Variants in HFM1 observed in about 807,000 individuals in gnomAD.
The protein encoded by HFM1 is helicase for meiosis 1.
A neutral mutation model predicts 192.1 loss-of-function variants in HFM1; 169 were observed. That is an observed-to-expected ratio of 0.88 (90% CI 0.78 to 1.00). The LOEUF is 1.00. Among genes scored for constraint, HFM1 ranks in the 50% least tolerant of loss-of-function variants. HFM1 has a pLI of 0.00. For missense variants in HFM1, 1,661 were observed against 1,668.0 expected, an observed-to-expected ratio of 1.00 and a Z score of 0.07; for synonymous variants, 525 against 537.8, an observed-to-expected ratio of 0.98 and a Z score of 0.33.
At chr1:91,266,586 G>C (rs1483393130) in intron 35 of HFM1, among the ~76,000 whole-genome samples, 2 of 152,152 alleles carry the variant, frequency 1.3e-5, no homozygotes, top group Non-Finnish European at 2.9e-5. Flanking sequence ...TCACATAAAT[G>C]ATCAAGTTGA....
At chr1:91,335,971 T>C (rs904481898) in intron 20 of HFM1, among the ~76,000 whole-genome samples, 9 of 151,472 alleles carry the variant, frequency 5.9e-5, no homozygotes, top group Admixed American at 1.3e-4. Context: ...CCTCCCTCTC[T>C]CCCTCTCTCC....
intron 30 of HFM1, among the ~76,000 whole-genome samples, chr1:91,278,479 C>T (rs571091754): frequency 1.0e-3 from 156 of 152,106 alleles, no homozygotes; most frequent in Non-Finnish European, 1.5e-3. Flanking sequence ...AGCAAATCAC[C>T]GATTGTAAGA....
chr1:91,404,279 AAGG>A (rs1439156787), intron 1 of HFM1, among the ~76,000 whole-genome samples: 2 of 152,210 alleles, frequency 1.3e-5, no homozygotes, highest in Non-Finnish European at 2.9e-5. Context: ...TGGATTTCCT[AAGG>A]AGAATATCCT....
Position 91,315,953 on chromosome 1 carries a change from G to A in HFM1, c.3002C>T (p.Thr1001Met), listed in dbSNP as rs370995086. The change falls in exon 28 of 39, where the codon ACG becomes ATG. Residue 1001 changes from threonine to methionine, a missense_variant. Coordinates refer to ENST00000370425, the MANE Select transcript of HFM1 (RefSeq NM_001017975.6). ...AACAGTCACTAATATTTCTGCCGTCGTATCACTATATCTTGTAATCTTTAA... is the reference window on the plus strand; with the variant it reads ...AACAGTCACTAATATTTCTGCCGTCATATCACTATATCTTGTAATCTTTAA... ...KVEQITRYSD[T>M]TAEILVTVIL... The A allele has an allele frequency of 7.4e-5, 118 of 1,588,658 alleles. No homozygotes were observed. The highest frequency in any genetic ancestry group is 1.3e-4 in the East Asian group (6 of 44,646).
At chr1:91,309,640 T>A (rs1307168931) in intron 30 of HFM1, among the ~76,000 whole-genome samples, 1 of 152,188 alleles carries the variant, frequency 6.6e-6, no homozygotes, top group Non-Finnish European at 1.5e-5. Context: ...TCAGACTGTT[T>A]ATTGTGTGTG....
chr1:91,350,199 C>A (rs1442892226), intron 18 of HFM1, among the ~76,000 whole-genome samples: 1 of 152,024 alleles, frequency 6.6e-6, no homozygotes, highest in Non-Finnish European at 1.5e-5. Context: ...TAGAATGATA[C>A]TTCAACAAGT....
At chr1:91,379,410 A>G (rs1346257266) in intron 8 of HFM1, among the ~76,000 whole-genome samples, 196 bp from the exon 9 acceptor site, 1 of 152,104 alleles carries the variant, frequency 6.6e-6, no homozygotes, top group East Asian at 1.9e-4. Flanking sequence ...CCACACTGGA[A>G]GAAGAACTGT....
At chr1:91,295,739 T>A (rs773784448) in intron 30 of HFM1, among the ~76,000 whole-genome samples, 6 of 152,166 alleles carry the variant, frequency 3.9e-5, no homozygotes, top group Non-Finnish European at 8.8e-5. Context: ...TTTAACATAG[T>A]CAAATTCATT....
intron 23 of HFM1, among the ~76,000 whole-genome samples, chr1:91,320,573 T>C (rs940661792): frequency 4.6e-5 from 7 of 152,208 alleles, no homozygotes; most frequent in Admixed American, 1.3e-4. Context: ...TATTTATTTA[T>C]ATTAAAAAGC....
rs1221627978 is a variant in HFM1, at chr1:91,393,367, C to T, written c.494+726G>A. 1.3e-5 allele frequency among the ~76,000 whole-genome samples: 2 copies of T among 152,138 alleles called. 1 individual carries two copies. Among genetic ancestry groups the T allele is most frequent in the Non-Finnish European group, 2.9e-5 (2 of 68,020 alleles). ...TTCTTCTGAATCTTGAATCCACATACCCAACTGAATATCTGAACTATTTAT... is the reference window on the plus strand; with the variant it reads ...TTCTTCTGAATCTTGAATCCACATATCCAACTGAATATCTGAACTATTTAT... On this transcript the variant is annotated intron_variant, in intron 4 of 38. Transcript: ENST00000370425.
chr1:91,382,633 C>A (rs1479944113), intron 6 of HFM1, among the ~76,000 whole-genome samples: 1 of 152,170 alleles, frequency 6.6e-6, no homozygotes, highest in African/African-American at 2.4e-5. Flanking sequence ...TCTCAATTTT[C>A]CTTCAAAACA....
chr1:91,356,993 C>G, intron 13 of HFM1, among the ~76,000 whole-genome samples: 1 of 152,086 alleles, frequency 6.6e-6, no homozygotes, highest in Non-Finnish European at 1.5e-5. Context: ...AGCCCAGAAC[C>G]AGACAGCATC....
In HFM1 at chr1:91,279,121, GCTGAAATCCTATAATAAGATT is replaced by G. The variant is rs1023002414; in HGVS notation, c.3392-2080_3392-2060del. ...CCTTCCTAAGAGTCACCCAGCACAA[GCTGAAATCCTATAATAAGATT>G]CTGAAATCCTATAATAAGATTCTGA... On this transcript the variant is annotated intron_variant, in intron 30 of 38. Coordinates refer to ENST00000370425, the MANE Select transcript of HFM1 (RefSeq NM_001017975.6). Among the ~76,000 whole-genome samples the G allele has an allele frequency of 4.8e-4, 73 of 152,162 alleles. No homozygotes were observed. In the South Asian group the frequency reaches 8.9e-3, roughly 19 times the overall value.
At chr1:91,307,201 TTC>T (rs1024017421) in intron 30 of HFM1, among the ~76,000 whole-genome samples, 63 of 152,262 alleles carry the variant, frequency 4.1e-4, no homozygotes, top group African/African-American at 1.5e-3. Flanking sequence ...TATCGCTGAT[TTC>T]TGTTTTTCTC....
chr1:91,290,747 C>A (rs1570807058), intron 30 of HFM1, among the ~76,000 whole-genome samples: 1 of 152,128 alleles, frequency 6.6e-6, no homozygotes, highest in South Asian at 2.1e-4. Context: ...ACAGAATATA[C>A]ATTTTTTTCA....
intron 35 of HFM1, among the ~76,000 whole-genome samples, chr1:91,267,531 A>G (rs2100704344): frequency 6.6e-6 from 1 of 152,234 alleles, no homozygotes; most frequent in African/African-American, 2.4e-5. Flanking sequence ...CTACATTATC[A>G]TCATGGAATA....
Position 91,343,471 on chromosome 1 carries a change from T to C in HFM1, c.2294A>G (p.Asp765Gly), listed in dbSNP as rs1655675508. The stretch of plus-strand genomic sequence containing the variant: ...AACACCTTCATCCATCTTTATTAAG[T>C]CCAGGGATGATAAATCATTCAGATT... ...LKNLNDLSSL[D>G]LIKMDEGVNF... is the part of the protein sequence containing the mutation. Residue 765 changes from aspartate (D) to glycine (G), a missense_variant, in exon 20 of 39, where the codon GAC becomes GGC. By Grantham distance (94) the Asp-to-Gly change is moderately conservative. Transcript: ENST00000370425. The C allele has an allele frequency of 1.4e-6, 2 of 1,444,298 alleles. No homozygotes were observed. The highest frequency in any genetic ancestry group is 1.9e-6 in the Non-Finnish European group (2 of 1,052,914). The allele number at this position is 1,444,298 out of a possible 1,614,324, so 89.5% of individuals were successfully genotyped here.
Position 91,360,623 on chromosome 1 carries a change from T to C in HFM1, c.1686-7324A>G, listed in dbSNP as rs1308121309. Among the ~76,000 whole-genome samples, 4 of 152,114 alleles carry C rather than the reference T, an allele frequency of 2.6e-5. No homozygotes were observed. The South Asian group carries it at 6.2e-4, about 24-fold the overall frequency. On this transcript the variant is annotated intron_variant, in intron 13 of 38. Transcript: ENST00000370425. ...AGACTTTAACAACCCATTGACAATA[T>C]TAGACAGATCACTGAGACAGAAAAT...
At chr1:91,397,598 A>G (rs1557534121) in intron 2 of HFM1, among the ~76,000 whole-genome samples, 1 of 152,238 alleles carries the variant, frequency 6.6e-6, no homozygotes, top group Admixed American at 6.5e-5. Flanking sequence ...CAAGTAAAAA[A>G]TCTACAACAC....
Sources: gnomAD v4.1 joint callset for allele counts (sites outside exome capture counted in the v4.1 genomes callset) on GRCh38, gnomAD v4.1.1 for gene constraint, MANE v1.5 for transcripts, NCBI Gene and HGNC (gene_info 2026-07-23, HGNC 2026-07-21) for gene names.